Variants in TBCEL observed in about 807,000 individuals in gnomAD.
TBCEL encodes tubulin folding cofactor E like.
In TBCEL, 15 loss-of-function variants were observed where a neutral mutation model predicts 44.2. The observed-to-expected ratio is 0.34, with a 90% CI of 0.23 to 0.52. The LOEUF is 0.52. Among genes scored for constraint, TBCEL ranks in the 20% least tolerant of loss-of-function variants. The pLI is 0.95. For synonymous variants in TBCEL, 171 were observed against 185.4 expected (o/e 0.92, Z 0.63); for missense variants, 319 against 506.3 (o/e 0.63, Z 3.55).
intron 6 of TBCEL, among the ~76,000 whole-genome samples, chr11:121,058,011 A>G (rs1945652792): frequency 6.6e-6 from 1 of 151,834 alleles, no homozygotes; most frequent in Non-Finnish European, 1.5e-5. Flanking sequence ...TCTTTAAATT[A>G]CGTAATCATG....
intron 6 of TBCEL, among the ~76,000 whole-genome samples, chr11:121,057,292 G>T (rs2134954850): frequency 6.6e-6 from 1 of 151,938 alleles, no homozygotes; most frequent in East Asian, 1.9e-4. Context: ...AAATAGACTT[G>T]ATGATGCATT....
At chr11:121,086,158 C>T (rs1946213187) in intron 8 of TBCEL, among the ~76,000 whole-genome samples, 3 of 152,054 alleles carry the variant, frequency 2.0e-5, no homozygotes, top group South Asian at 2.1e-4. Flanking sequence ...GTATCTTTTC[C>T]TTTGTATTCC....
At chr11:121,061,588 T>C (rs1288155674) in intron 8 of TBCEL, among the ~76,000 whole-genome samples, 1 of 152,104 alleles carries the variant, frequency 6.6e-6, no homozygotes, top group Non-Finnish European at 1.5e-5. Context: ...ACTCCTAGGC[T>C]ATAAACCTGT....
intron 6 of TBCEL, among the ~76,000 whole-genome samples, chr11:121,056,655 G>A (rs969965101): frequency 6.6e-6 from 1 of 151,806 alleles, no homozygotes; most frequent in Non-Finnish European, 1.5e-5. Context: ...GATGTTCTCA[G>A]TGTTTTGGAT....
At chr11:121,033,999 T>C (rs1436172835) in intron 1 of TBCEL, among the ~76,000 whole-genome samples, 3 of 152,176 alleles carry the variant, frequency 2.0e-5, no homozygotes, top group African/African-American at 4.8e-5. Flanking sequence ...GTATTTTATG[T>C]ATCTGTCACA....
At chr11:121,038,306 G>A (rs527657230) in intron 2 of TBCEL, among the ~76,000 whole-genome samples, 11 of 152,198 alleles carry the variant, frequency 7.2e-5, no homozygotes, top group South Asian at 2.1e-4. Flanking sequence ...AATAAAGCTC[G>A]TTAGTAGACC....
intron 4 of TBCEL, among the ~76,000 whole-genome samples, chr11:121,049,392 T>A (rs1371103842): frequency 2.0e-5 from 3 of 151,872 alleles, no homozygotes; most frequent in African/African-American, 7.2e-5. Flanking sequence ...CTTAAATTTC[T>A]CTATTTTATG....
chr11:121,082,011 G>A (rs906787757), intron 8 of TBCEL, among the ~76,000 whole-genome samples: 3 of 152,190 alleles, frequency 2.0e-5, no homozygotes, highest in African/African-American at 7.2e-5. Context: ...GGAAAGGAAG[G>A]TGCAGAAAAT....
intron 8 of TBCEL, among the ~76,000 whole-genome samples, chr11:121,067,145 G>T (rs1277384535): frequency 6.6e-6 from 1 of 152,182 alleles, no homozygotes; most frequent in African/African-American, 2.4e-5. Context: ...ATAAAGAGCC[G>T]ACATGATGAG....
intron 8 of TBCEL, among the ~76,000 whole-genome samples, chr11:121,083,852 C>T (rs536327319): frequency 6.6e-6 from 1 of 152,094 alleles, no homozygotes; most frequent in Admixed American, 6.5e-5. Flanking sequence ...AAACTTGGTG[C>T]CTTAGTTCAT....
At chr11:121,082,588 A>G (rs566961889) in intron 8 of TBCEL, among the ~76,000 whole-genome samples, 4 of 152,342 alleles carry the variant, frequency 2.6e-5, no homozygotes, top group South Asian at 4.1e-4. Context: ...ATGTGATACA[A>G]TTTGTGCTTT....
chr11:121,058,293 T>A, intron 6 of TBCEL, 52 bp from the exon 7 acceptor site: 1 of 1,591,832 alleles, frequency 6.3e-7, no homozygotes, highest in Non-Finnish European at 8.6e-7. Context: ...ATGTTTCTCT[T>A]CTTATTTATG....
At chr11:121,040,239 C>T (rs1945307823) in intron 2 of TBCEL, among the ~76,000 whole-genome samples, 1 of 152,176 alleles carries the variant, frequency 6.6e-6, no homozygotes, top group Non-Finnish European at 1.5e-5. Flanking sequence ...ATCACACCTC[C>T]TTAGCTTATG....
chr11:121,064,905 C>T (rs920545036), intron 8 of TBCEL, among the ~76,000 whole-genome samples: 1 of 152,076 alleles, frequency 6.6e-6, no homozygotes, highest in African/African-American at 2.4e-5. Context: ...CGGCTCATTG[C>T]AAGCTCTGCC....
intron 8 of TBCEL, among the ~76,000 whole-genome samples, chr11:121,061,818 G>C (rs1262635363): frequency 6.6e-6 from 1 of 151,990 alleles, no homozygotes; most frequent in African/African-American, 2.4e-5. Context: ...GGACATTACT[G>C]TACACTACTA....
intron 4 of TBCEL, among the ~76,000 whole-genome samples, chr11:121,051,283 T>A (rs1344476421): frequency 6.6e-6 from 1 of 151,736 alleles, no homozygotes; most frequent in Admixed American, 6.6e-5. Flanking sequence ...CTCCCAGAAA[T>A]TGTTTCAAAA....
rs529169576 is a variant in TBCEL at position 121,028,520 on chromosome 11, C to T, written c.-126+4229C>T. Among the ~76,000 whole-genome samples, 3 of 152,260 alleles carry T rather than the reference C, an allele frequency of 2.0e-5. No homozygotes were observed. In the East Asian group the frequency reaches 5.8e-4, roughly 29 times the overall value. ...CTGGCTCTGTCACTAGCTCTGGGCCCGTAACCTCTCTGCTTCAGTTTTCTG... is the reference window on the plus strand; with the variant it reads ...CTGGCTCTGTCACTAGCTCTGGGCCTGTAACCTCTCTGCTTCAGTTTTCTG... On this transcript the variant is annotated intron_variant, in intron 1 of 8. Coordinates refer to ENST00000683345, the MANE Select transcript of TBCEL (RefSeq NM_001363644.2).
At position 121,034,448 on chromosome 11, in the gene TBCEL, T is replaced by TA. The variant is rs1945196356; in HGVS notation, c.-125-2056dup. Among the ~76,000 whole-genome samples, 4 of 152,300 alleles carry TA rather than the reference T, an allele frequency of 2.6e-5. No homozygotes were observed. The South Asian group carries it at 8.3e-4, about 32-fold the overall frequency. On this transcript the variant is annotated intron_variant, in intron 1 of 8. Transcript: ENST00000683345. ...GGAATCTCCGTGGAGTAGATACAAT[T>TA]ATGTATTCTAGCCGTAGCTATGAAG...
At chr11:121,070,619 C>T (rs369687540) in intron 8 of TBCEL, among the ~76,000 whole-genome samples, 30 of 150,332 alleles carry the variant, frequency 2.0e-4, no homozygotes, top group East Asian at 9.8e-4. Flanking sequence ...AACCAAACAG[C>T]GCATGTTCTC....
Sources: gnomAD v4.1 joint callset for allele counts (sites outside exome capture counted in the v4.1 genomes callset) on GRCh38, gnomAD v4.1.1 for gene constraint, MANE v1.5 for transcripts, NCBI Gene and HGNC (gene_info 2026-07-23, HGNC 2026-07-21) for gene names.